UGT3A1: variants seen among roughly 807,000 people sequenced by gnomAD.
UGT3A1 encodes UDP-glycosyltransferase 3A1.
Under a neutral mutation model 37.6 loss-of-function variants are expected in UGT3A1, and 40 were observed. The ratio of observed to expected loss-of-function variants is 1.06; its 90% CI spans 0.83 to 1.38. The LOEUF is 1.38. Ranked by LOEUF, UGT3A1 falls within the 40% of genes most tolerant of loss-of-function variation. The pLI is 0.00. For missense variants in UGT3A1, 642 were observed against 634.2 expected (o/e 1.01, Z -0.13); for synonymous variants, 256 against 232.3 (o/e 1.10, Z -0.93).
chr5:35,995,170 C>T (rs1741066413), upstream of UGT3A1, among the ~76,000 whole-genome samples: 1 of 152,170 alleles, frequency 6.6e-6, no homozygotes, highest in Non-Finnish European at 1.5e-5. Context: ...ACCTCCACCT[C>T]CACCCTCACT....
chr5:35,992,789 T>TA (rs1740990112), upstream of UGT3A1, among the ~76,000 whole-genome samples: 2 of 152,182 alleles, frequency 1.3e-5, no homozygotes, highest in Admixed American at 1.3e-4. Context: ...ATTAAGTAGT[T>TA]ACTGTTGCTT....
intron 1 of UGT3A1, among the ~76,000 whole-genome samples, chr5:35,989,812 A>G (rs1740864941): frequency 6.6e-6 from 1 of 152,210 alleles, no homozygotes; most frequent in Non-Finnish European, 1.5e-5. Context: ...GAAAGCGGGG[A>G]AAAGACTTCA....
At position 35,984,402 on chromosome 5, in the gene UGT3A1, T is replaced by C. The variant is rs570764707; in HGVS notation, c.196+4048A>G. On this transcript the variant is annotated intron_variant, in intron 2 of 6. Coordinates refer to ENST00000274278, the MANE Select transcript of UGT3A1 (RefSeq NM_152404.4). ...TATTTAGCAGCCCATTATCTAATCA[T>C]TACATCACCCTCATTCTTTCTGAGC... Among the ~76,000 whole-genome samples the C allele has an allele frequency of 5.3e-5, 8 of 152,276 alleles. No homozygotes were observed. The South Asian group carries it at 1.7e-3, about 32-fold the overall frequency.
chr5:35,972,494 C>CGTGTGTGTGTGTGTGT (rs4024103), intron 2 of UGT3A1, among the ~76,000 whole-genome samples: 2 of 141,338 alleles, frequency 1.4e-5, no homozygotes, highest in Non-Finnish European at 3.1e-5. Flanking sequence ...CCTTGAAATA[C>CGTGTGTGTGTGTGTGT]GTGTGTGTGT....
upstream of UGT3A1, among the ~76,000 whole-genome samples, chr5:35,991,859 T>G (rs573396141): frequency 6.6e-6 from 1 of 152,234 alleles, no homozygotes; most frequent in African/African-American, 2.4e-5. Flanking sequence ...AGTAGTGTTC[T>G]AATTCTGAAA....
intron 2 of UGT3A1, among the ~76,000 whole-genome samples, chr5:35,975,145 T>C (rs189104883): frequency 9.8e-5 from 15 of 152,348 alleles, no homozygotes; most frequent in Admixed American, 7.8e-4. Context: ...GGTTCCTTCC[T>C]CAGCCAACCC....
chr5:35,955,248 C>T, intron 6 of UGT3A1: 1 of 321,300 alleles, frequency 3.1e-6, no homozygotes, highest in Non-Finnish European at 5.7e-6. Flanking sequence ...AGGAGCCAGT[C>T]CTGTGAAGAG....
At position 35,957,168 on chromosome 5, in the gene UGT3A1, CA is replaced by C. The variant is rs1739385962; in HGVS notation, c.1075+19del. Reference sequence around the variant, plus strand: ...AGGCAGGTCAATGGAAAGAGAAGAGCAGACCTAAGCAGTCCTTACCCAGGAG... The same window carrying C: ...AGGCAGGTCAATGGAAAGAGAAGAGCGACCTAAGCAGTCCTTACCCAGGAG... On this transcript the variant is annotated intron_variant, in intron 5 of 6. Coordinates refer to ENST00000274278, the MANE Select transcript of UGT3A1 (RefSeq NM_152404.4). The C allele has an allele frequency of 6.2e-7, 1 of 1,604,364 alleles. No individual in the cohort carries two copies. Among genetic ancestry groups the C allele is most frequent in the East Asian group, 2.2e-5 (1 of 44,828 alleles).
At chr5:35,983,212 A>G (rs779149096) in intron 2 of UGT3A1, among the ~76,000 whole-genome samples, 2 of 152,228 alleles carry the variant, frequency 1.3e-5, no homozygotes, top group Non-Finnish European at 2.9e-5. Context: ...AAAAAAAGAT[A>G]TAACAACAGA....
Position 35,954,075 on chromosome 5 carries a change from A to C in UGT3A1, c.*127T>G. 1 of 1,037,786 alleles carries C rather than the reference A, an allele frequency of 9.6e-7. No individual in the cohort carries two copies. The highest frequency in any genetic ancestry group is 1.4e-6 in the Non-Finnish European group (1 of 712,594). The allele number at this position is 1,037,786 out of a possible 1,614,324, so 64.3% of individuals were successfully genotyped here. ...TTCTAAACAGAGGCAGAGAATAGAA[A>C]GAAGCAAGTTGCAGGATCAGTGGCA... On this transcript the variant is annotated 3_prime_UTR_variant, in exon 7 of 7. Coordinates refer to ENST00000274278, the MANE Select transcript of UGT3A1 (RefSeq NM_152404.4).
At chr5:35,961,562 C>T (rs1485093125) in intron 4 of UGT3A1, 12 of 152,182 alleles carry the variant, frequency 7.9e-5, no homozygotes, top group Admixed American at 7.9e-4. Context: ...AGCGGTTCAA[C>T]TTTAGAAGAG....
chr5:35,964,972 C>A (rs1580927377), intron 4 of UGT3A1, among the ~76,000 whole-genome samples: 1 of 152,212 alleles, frequency 6.6e-6, no homozygotes, highest in Non-Finnish European at 1.5e-5. Context: ...GCAGTCCCAC[C>A]CTGCTTACCC....
intron 2 of UGT3A1, among the ~76,000 whole-genome samples, chr5:35,977,907 T>A (rs964833644): frequency 1.3e-5 from 2 of 152,182 alleles, no homozygotes; most frequent in African/African-American, 4.8e-5. Context: ...GGATGACACA[T>A]AGTGGGGATT....
Position 35,952,899 on chromosome 5 carries a change from A to G in UGT3A1, c.*1303T>C, listed in dbSNP as rs1050605987. Reference sequence around the variant, plus strand: ...ACTCGCAAGCAAATCCTTTCATGGAATTGGCAAAGTTTTTGGTGGGGGGCA... The same window carrying G: ...ACTCGCAAGCAAATCCTTTCATGGAGTTGGCAAAGTTTTTGGTGGGGGGCA... On this transcript the variant is annotated 3_prime_UTR_variant, in exon 7 of 7. Transcript: ENST00000274278. 2 of 152,202 alleles carry G rather than the reference A, an allele frequency of 1.3e-5. No individual in the cohort carries two copies. Among genetic ancestry groups the G allele is most frequent in the African/African-American group, 4.8e-5 (2 of 41,464 alleles). 9.4% of individuals were successfully genotyped at this position (152,202 alleles called of 1,614,324 possible).
In UGT3A1 at chr5:35,954,431, G is replaced by C; in HGVS notation, c.1343C>G (p.Pro448Arg). The change falls in exon 7 of 7, where the codon CCC becomes CGC. Residue 448 changes from proline (P) to arginine (R), a missense_variant. Physicochemically the swap from Pro to Arg is moderately radical, Grantham distance 103. Coordinates refer to ENST00000274278, the MANE Select transcript of UGT3A1 (RefSeq NM_152404.4). ...VAASVILHSQ[P>R]LSPAQRLVGW... ...CACCAGCCGCTGTGCGGGGCTCAGG[G>C]GCTGAGAGTGCAGGATGACACTGGC... is the stretch of plus-strand genomic sequence containing the variant. The C allele has an allele frequency of 6.2e-7, 1 of 1,614,220 alleles. No individual in the cohort carries two copies. Among genetic ancestry groups the C allele is most frequent in the Non-Finnish European group, 8.5e-7 (1 of 1,180,036 alleles).
In UGT3A1 at chr5:35,954,237, A is replaced by C. The variant is rs748616114; in HGVS notation, c.1537T>G (p.Trp513Gly). The C allele has an allele frequency of 1.2e-6, 2 of 1,614,132 alleles. No individual in the cohort carries two copies. The highest frequency in any genetic ancestry group is 1.7e-6 in the Non-Finnish European group (2 of 1,180,024). ...CGKLLGVVARWLRGARKVKKT is the reference protein window; with the variant it reads ...CGKLLGVVARGLRGARKVKKT ...TTCACCTTCCTGGCCCCACGCAGCC[A>C]CCTGGCCACCACACCCAGCAGCTTC... is the stretch of plus-strand genomic sequence containing the variant. Residue 513 changes from tryptophan (W) to glycine (G), a missense_variant, in exon 7 of 7, where the codon TGG becomes GGG. Transcript: ENST00000274278.
In UGT3A1 at chr5:35,976,887, G is replaced by GGGAAGGAAGGAAGGAA. The variant is rs142548507; in HGVS notation, c.197-8770_197-8755dup. ...AAGAAGGGACGGAGGGAGAGAGGAA[G>GGGAAGGAAGGAAGGAA]GGAAGGAAGGAAGGAAGGAAGGAGA... On this transcript the variant is annotated intron_variant, in intron 2 of 6. Coordinates refer to ENST00000274278, the MANE Select transcript of UGT3A1 (RefSeq NM_152404.4). 3.4e-4 allele frequency among the ~76,000 whole-genome samples: 46 copies of GGGAAGGAAGGAAGGAA among 135,486 alleles called. No individual in the cohort carries two copies. In the East Asian group the frequency reaches 8.5e-3, roughly 25 times the overall value. The allele number at this position is 135,486 out of a possible 152,430, so 88.9% of individuals were successfully genotyped here. A position where few individuals can be genotyped will look rare whatever the true frequency, so the allele number is the denominator to read the frequency against.
At chr5:35,980,569 T>A (rs932691888) in intron 2 of UGT3A1, among the ~76,000 whole-genome samples, 33 of 152,264 alleles carry the variant, frequency 2.2e-4, no homozygotes, top group African/African-American at 7.9e-4. Flanking sequence ...CCAGAAATAA[T>A]CAAGTAGAAT....
At chr5:35,971,616 C>A (rs1041484876) in intron 2 of UGT3A1, among the ~76,000 whole-genome samples, 5 of 152,146 alleles carry the variant, frequency 3.3e-5, no homozygotes, top group Non-Finnish European at 7.3e-5. Flanking sequence ...AAGACCCACT[C>A]TCTCCCTTTA....
Sources: allele counts gnomAD v4.1 joint callset (sites outside exome capture counted in the v4.1 genomes callset), GRCh38; gene constraint gnomAD v4.1.1; transcripts MANE v1.5; gene names NCBI Gene and HGNC (gene_info 2026-07-23, HGNC 2026-07-21).